The following DSCAM variants were observed in gnomAD, a reference collection of about 807,000 sequenced individuals.
The protein encoded by DSCAM is DS cell adhesion molecule, also known as cell adhesion molecule DSCAM.
In DSCAM, 47 loss-of-function variants were observed where a neutral mutation model predicts 217.7. The observed-to-expected ratio is 0.22, with a 90% CI of 0.17 to 0.28. The LOEUF (loss-of-function observed/expected upper bound fraction) is 0.28, where lower values mean the gene tolerates loss of function less well. DSCAM is among the 10% of genes least tolerant of loss of function. The pLI is 1.00. For synonymous variants in DSCAM, 1,056 were observed against 1,015.3 expected (o/e 1.04, Z -0.76); for missense variants, 2,080 against 2,618.3 (o/e 0.79, Z 4.49).
chr21:40,046,812 G>T (rs2088849532), intron 30 of DSCAM, among the ~76,000 whole-genome samples: 1 of 151,864 alleles, frequency 6.6e-6, no homozygotes, highest in Admixed American at 6.6e-5. Context: ...CCCACTTCAA[G>T]GATACAGTCA....
intron 3 of DSCAM, among the ~76,000 whole-genome samples, chr21:40,439,572 C>T (rs1396012214): frequency 6.6e-6 from 1 of 152,220 alleles, no homozygotes; most frequent in Admixed American, 6.5e-5. Flanking sequence ...CACATTGGAG[C>T]TGCCTAGCCA....
chr21:40,414,384 G>A (rs1337118256), intron 3 of DSCAM, among the ~76,000 whole-genome samples: 2 of 152,176 alleles, frequency 1.3e-5, no homozygotes, highest in Non-Finnish European at 2.9e-5. Context: ...TATTTTAAAT[G>A]TTTAATATCA....
rs550331217 is a variant in DSCAM at position 40,782,522 on chromosome 21, G to A, written c.43+64097C>T. Among the ~76,000 whole-genome samples, 411 of 152,308 alleles carry A rather than the reference G, an allele frequency of 2.7e-3. 2 individuals are homozygous for A. The highest frequency in any genetic ancestry group is 9.3e-3 in the African/African-American group (388 of 41,558). The stretch of plus-strand genomic sequence containing the variant: ...GCGGGAGGATCGCTTGAGCCCAGAA[G>A]TTTGAGACTAGTCTGGGCAATGCGG... On this transcript the variant is annotated intron_variant, in intron 1 of 32. Coordinates refer to ENST00000400454, the MANE Select transcript of DSCAM (RefSeq NM_001389.5).
chr21:40,351,507 G>A (rs908542598), intron 5 of DSCAM, among the ~76,000 whole-genome samples: 4 of 152,176 alleles, frequency 2.6e-5, no homozygotes, highest in African/African-American at 9.7e-5. Context: ...ATTTTCAGGG[G>A]CAAGGAATTC....
chr21:40,474,771 C>T (rs747964857), intron 3 of DSCAM, among the ~76,000 whole-genome samples: 2 of 152,168 alleles, frequency 1.3e-5, no homozygotes, highest in South Asian at 2.1e-4. Flanking sequence ...CAGGCGAGTG[C>T]GTGCGTTCTG....
intron 11 of DSCAM, among the ~76,000 whole-genome samples, chr21:40,196,056 C>T (rs1367304321): frequency 6.6e-6 from 1 of 152,208 alleles, no homozygotes; most frequent in Admixed American, 6.5e-5. Flanking sequence ...AAAGGTCGAG[C>T]TGTAAGATGG....
At chr21:40,756,117 T>C (rs879806893) in intron 1 of DSCAM, among the ~76,000 whole-genome samples, 2 of 151,928 alleles carry the variant, frequency 1.3e-5, no homozygotes, top group East Asian at 3.9e-4. Flanking sequence ...ATCATGGGGG[T>C]GGATTTCTCA....
intron 3 of DSCAM, among the ~76,000 whole-genome samples, chr21:40,408,018 G>T (rs1417404754): frequency 6.6e-6 from 1 of 152,050 alleles, no homozygotes; most frequent in African/African-American, 2.4e-5. Flanking sequence ...CTACCTGGTG[G>T]GTTTACACAG....
chr21:40,274,602 T>G (rs1237553341), intron 11 of DSCAM, among the ~76,000 whole-genome samples: 1 of 152,224 alleles, frequency 6.6e-6, no homozygotes, highest in Non-Finnish European at 1.5e-5. Flanking sequence ...CCTCAGATTT[T>G]AGGTTTCCTT....
chr21:40,109,535 G>T (rs563994440), intron 20 of DSCAM, among the ~76,000 whole-genome samples: 1 of 152,206 alleles, frequency 6.6e-6, no homozygotes, highest in South Asian at 2.1e-4. Flanking sequence ...CTGAGGTACC[G>T]GGTTCATCTC....
chr21:40,841,467 C>T (rs1041208789), intron 1 of DSCAM, among the ~76,000 whole-genome samples: 2 of 152,056 alleles, frequency 1.3e-5, no homozygotes, highest in African/African-American at 4.8e-5. Flanking sequence ...GGGGGAGGGG[C>T]GCGGAGAGAT....
chr21:40,365,562 T>A (rs940821719), intron 4 of DSCAM, among the ~76,000 whole-genome samples: 3 of 152,110 alleles, frequency 2.0e-5, no homozygotes, highest in African/African-American at 7.2e-5. Context: ...TATATATACA[T>A]CTATCCTATT....
At chr21:40,035,941 G>A (rs555580483) in intron 32 of DSCAM, among the ~76,000 whole-genome samples, 1 of 149,164 alleles carries the variant, frequency 6.7e-6, no homozygotes, top group African/African-American at 2.6e-5. Context: ...AATGAAGCTA[G>A]AAATAAAGAT....
chr21:40,563,923 G>C (rs1351184677), intron 3 of DSCAM, among the ~76,000 whole-genome samples: 3 of 151,994 alleles, frequency 2.0e-5, no homozygotes, highest in African/African-American at 7.2e-5. Context: ...AAAACAGAAA[G>C]AGCCTCCTAT....
At chr21:40,296,534 T>G (rs1276108569) in intron 9 of DSCAM, among the ~76,000 whole-genome samples, 1 of 152,046 alleles carries the variant, frequency 6.6e-6, no homozygotes, top group Admixed American at 6.6e-5. Context: ...AGAATCACCA[T>G]TTAAAGAACA....
At chr21:40,644,152 T>C (rs1308154938) in intron 3 of DSCAM, among the ~76,000 whole-genome samples, 1 of 152,158 alleles carries the variant, frequency 6.6e-6, no homozygotes, top group African/African-American at 2.4e-5. Context: ...CTTGGCAGAG[T>C]GAGCAAAGCC....
intron 3 of DSCAM, among the ~76,000 whole-genome samples, chr21:40,449,561 AG>A (rs1384156030): frequency 6.6e-6 from 1 of 152,230 alleles, no homozygotes; most frequent in African/African-American, 2.4e-5. Flanking sequence ...AAGTGATTTC[AG>A]GAGTCATCTA....
intron 32 of DSCAM, among the ~76,000 whole-genome samples, chr21:40,039,875 TGAG>T (rs1199165571): frequency 4.6e-5 from 7 of 151,844 alleles, no homozygotes; most frequent in African/African-American, 1.7e-4. Flanking sequence ...GCTCTAAAGT[TGAG>T]GAGGAAGAAA....
intron 16 of DSCAM, among the ~76,000 whole-genome samples, chr21:40,156,804 C>A (rs2090483436): frequency 6.6e-6 from 1 of 152,204 alleles, no homozygotes; most frequent in South Asian, 2.1e-4. Flanking sequence ...AAGGTCACTT[C>A]TGTTATGCAT....
Sources: gnomAD v4.1 joint callset for allele counts (sites outside exome capture counted in the v4.1 genomes callset) on GRCh38, gnomAD v4.1.1 for gene constraint, MANE v1.5 for transcripts, NCBI Gene and HGNC (gene_info 2026-07-23, HGNC 2026-07-21) for gene names.